The following ACTR3C variants were observed in gnomAD, a reference collection of about 807,000 sequenced individuals.
ACTR3C encodes actin related protein 3C.
ACTR3C carries 18 observed loss-of-function variants against 26.3 expected under a neutral mutation model. The observed-to-expected ratio is 0.68, with a 90% CI of 0.47 to 1.01. The LOEUF (loss-of-function observed/expected upper bound fraction) is 1.01. Among genes scored for constraint, ACTR3C ranks in the 50% least tolerant of loss-of-function variants. The probability of loss-of-function intolerance (pLI) is 0.00; values close to 1 mark genes in which losing one functional copy is unlikely to be tolerated. For synonymous variants in ACTR3C, 55 were observed against 94.5 expected, an observed-to-expected ratio of 0.58 and a Z score of 2.42; for missense variants, 184 against 250.7, an observed-to-expected ratio of 0.73 and a Z score of 1.80.
At chr7:149,929,425 CAAAAAAAA>C in the ACTR3C span, among the ~76,000 whole-genome samples, 6 of 49,128 alleles carry the variant, frequency 1.2e-4, no homozygotes, top group African/African-American at 5.4e-4. Flanking sequence ...AAGATTCTGT[CAAAAAAAA>C]AAAAAAAAAA....
chr7:149,938,447 T>G, the ACTR3C span, among the ~76,000 whole-genome samples: 2 of 151,996 alleles, frequency 1.3e-5, no homozygotes, highest in African/African-American at 4.8e-5. Context: ...GAGATTTTTT[T>G]TAAAAAAGGA....
the ACTR3C span, among the ~76,000 whole-genome samples, chr7:150,199,912 T>C: frequency 6.6e-6 from 1 of 152,018 alleles, no homozygotes; most frequent in Non-Finnish European, 1.5e-5. Flanking sequence ...AACAACAAGG[T>C]ACGGGAAGTA....
chr7:150,295,122 G>C (rs541316460), intron 2 of ACTR3C, 130 bp downstream of exon 2: 1 of 1,104,438 alleles, frequency 9.1e-7, no homozygotes, highest in South Asian at 1.6e-5. Flanking sequence ...ATGGCATGGG[G>C]ACGGGGGAGG....
chr7:150,056,254 C>T, the ACTR3C span, among the ~76,000 whole-genome samples: 1 of 152,246 alleles, frequency 6.6e-6, no homozygotes, highest in South Asian at 2.1e-4. Context: ...AGAAATACCC[C>T]ACACAGGAGG....
chr7:150,051,569 G>GTAAA, the ACTR3C span, among the ~76,000 whole-genome samples: 1 of 41,302 alleles, frequency 2.4e-5, no homozygotes. Context: ...TACTTATTGG[G>GTAAA]TGTGAGAAAA....
chr7:150,311,873 C>CA (rs1252448403), intron 1 of ACTR3C, among the ~76,000 whole-genome samples: 1 of 152,208 alleles, frequency 6.6e-6, no homozygotes, highest in Non-Finnish European at 1.5e-5. Context: ...AAGGAATGCA[C>CA]ATTAACATTT....
At chr7:150,258,492 A>G (rs1833389761) in intron 6 of ACTR3C, among the ~76,000 whole-genome samples, 2 of 152,000 alleles carry the variant, frequency 1.3e-5, no homozygotes, top group Admixed American at 6.6e-5. Flanking sequence ...AATTGTGGCT[A>G]AAGTCCACCT....
the ACTR3C span, among the ~76,000 whole-genome samples, chr7:150,114,585 T>G: frequency 3.5e-4 from 53 of 152,286 alleles, 1 homozygote; most frequent in South Asian, 0.01. Flanking sequence ...AAGCAATTTT[T>G]TTACATGAAG....
the ACTR3C span, among the ~76,000 whole-genome samples, chr7:149,961,159 A>G: frequency 6.7e-6 from 1 of 148,956 alleles, no homozygotes; most frequent in Admixed American, 6.6e-5. Context: ...TGTGCTCAGA[A>G]TAAGTGCACA....
the ACTR3C span, among the ~76,000 whole-genome samples, chr7:150,198,804 G>T: frequency 1.1e-5 from 1 of 90,220 alleles, no homozygotes; most frequent in African/African-American, 9.5e-5. Context: ...GGAGGGAGGT[G>T]GGGGGGTCAG....
At chr7:150,039,733 C>CAT in the ACTR3C span, among the ~76,000 whole-genome samples, 2 of 136,460 alleles carry the variant, frequency 1.5e-5, no homozygotes, top group African/African-American at 5.3e-5. Context: ...TCCCCACCCT[C>CAT]GCGGGGGGTG....
At chr7:150,259,955 C>A (rs1351603208) in intron 6 of ACTR3C, among the ~76,000 whole-genome samples, 8 of 152,152 alleles carry the variant, frequency 5.3e-5, no homozygotes, top group Admixed American at 1.3e-4. Flanking sequence ...ATGTAAGCTC[C>A]ACAAAATAGG....
At chr7:150,237,884 T>G in the ACTR3C span, among the ~76,000 whole-genome samples, 8,783 of 135,634 alleles carry the variant, frequency 0.065, 945 homozygotes, top group African/African-American at 0.22. Context: ...AGGCACTCTG[T>G]TTTTTTTTCC....
the ACTR3C span, among the ~76,000 whole-genome samples, chr7:150,055,480 T>C: frequency 6.7e-6 from 1 of 149,170 alleles, no homozygotes; most frequent in Non-Finnish European, 1.5e-5. Context: ...ACCATTTAAA[T>C]GAGGGAGGGA....
At chr7:150,206,140 C>T in the ACTR3C span, among the ~76,000 whole-genome samples, 2 of 152,330 alleles carry the variant, frequency 1.3e-5, no homozygotes, top group African/African-American at 2.4e-5. Flanking sequence ...ATCTCTGCTG[C>T]TCTCCGCTTT....
intron 6 of ACTR3C, among the ~76,000 whole-genome samples, chr7:150,276,936 C>A (rs1476922324): frequency 1.3e-5 from 2 of 152,212 alleles, no homozygotes; most frequent in Non-Finnish European, 2.9e-5. Flanking sequence ...AGTGATTTAA[C>A]CAGACACTAA....
the ACTR3C span, among the ~76,000 whole-genome samples, chr7:149,902,469 G>C: frequency 1.3e-5 from 2 of 149,860 alleles, no homozygotes; most frequent in Non-Finnish European, 3.0e-5. Context: ...TGAAATAATT[G>C]TTCAAGCTGG....
At chr7:150,172,755 T>A in the ACTR3C span, among the ~76,000 whole-genome samples, 1 of 150,670 alleles carries the variant, frequency 6.6e-6, no homozygotes, top group African/African-American at 2.5e-5. Context: ...ACTTCCTAGA[T>A]ACAATGGAGG....
the ACTR3C span, among the ~76,000 whole-genome samples, chr7:150,153,901 T>G: frequency 7.0e-6 from 1 of 143,274 alleles, no homozygotes; most frequent in Non-Finnish European, 1.5e-5. Flanking sequence ...CCATAAAAAA[T>G]GATGAGTTCA....
Sources: gnomAD v4.1 joint callset for allele counts (sites outside exome capture counted in the v4.1 genomes callset) on GRCh38, gnomAD v4.1.1 for gene constraint, MANE v1.5 for transcripts, NCBI Gene and HGNC (gene_info 2026-07-23, HGNC 2026-07-21) for gene names.